The following SETBP1 variants were observed in gnomAD, a reference collection of about 807,000 sequenced individuals.
SETBP1 encodes SET binding protein 1.
Under a neutral mutation model 101.0 loss-of-function variants are expected in SETBP1, and 9 were observed. That is an observed-to-expected ratio of 0.09 (90% CI 0.05 to 0.16). SETBP1 has a LOEUF of 0.16. Ranked by LOEUF, SETBP1 falls within the 10% of genes least tolerant of loss-of-function variation. The pLI, the probability that SETBP1 is intolerant of heterozygous loss-of-function variation, is 1.00. For synonymous variants in SETBP1, 818 were observed against 788.5 expected (o/e 1.04, Z -0.63); for missense variants, 1,858 against 2,033.8 (o/e 0.91, Z 1.66).
intron 5 of SETBP1, among the ~76,000 whole-genome samples, chr18:45,054,128 T>G (rs1331186461): frequency 6.6e-6 from 1 of 152,206 alleles, no homozygotes; most frequent in Non-Finnish European, 1.5e-5. Context: ...GCCCTCGTAT[T>G]TCTCAGTTTA....
At chr18:44,700,931 T>C (rs1009968021) in intron 1 of SETBP1, among the ~76,000 whole-genome samples, 2 of 152,228 alleles carry the variant, frequency 1.3e-5, no homozygotes, top group African/African-American at 4.8e-5. Context: ...CTCTTATCTT[T>C]ATTCTTGGGC....
chr18:44,912,311 A>G (rs574546365), intron 3 of SETBP1, among the ~76,000 whole-genome samples: 5 of 152,306 alleles, frequency 3.3e-5, no homozygotes, highest in African/African-American at 9.6e-5. Context: ...TGATTCTCCT[A>G]GAACTTGTAG....
chr18:44,753,082 A>G lies in SETBP1; in HGVS notation c.486+51250A>G, dbSNP rs532647343. ...TATGGTTTTTTTATGTTACATTGCTATATTCTCTCTACTGTTCCTCTCTGA... is the reference window on the plus strand; with the variant it reads ...TATGGTTTTTTTATGTTACATTGCTGTATTCTCTCTACTGTTCCTCTCTGA... On this transcript the variant is annotated intron_variant, in intron 2 of 5. Transcript: ENST00000649279. Among the ~76,000 whole-genome samples the G allele has an allele frequency of 1.5e-4, 23 of 152,296 alleles. 1 individual carries two copies. In the South Asian group the frequency reaches 4.8e-3, roughly 32 times the overall value.
At chr18:45,020,440 C>A (rs551859312) in intron 4 of SETBP1, among the ~76,000 whole-genome samples, 1 of 152,082 alleles carries the variant, frequency 6.6e-6, no homozygotes, top group South Asian at 2.1e-4. Context: ...AAACCCATTA[C>A]ACTTTATTTG....
chr18:44,802,198 A>T (rs1376631160), intron 2 of SETBP1, among the ~76,000 whole-genome samples: 1 of 152,144 alleles, frequency 6.6e-6, no homozygotes, highest in East Asian at 1.9e-4. Flanking sequence ...TTTTTCTGAA[A>T]CAGAGACAGT....
At chr18:44,875,713 G>A (rs1355110157) in intron 3 of SETBP1, among the ~76,000 whole-genome samples, 2 of 151,988 alleles carry the variant, frequency 1.3e-5, no homozygotes, top group Non-Finnish European at 2.9e-5. Flanking sequence ...AATTTTACGT[G>A]TATTTTGTCA....
At chr18:44,985,710 C>T (rs1489065800) in intron 4 of SETBP1, among the ~76,000 whole-genome samples, 1 of 152,218 alleles carries the variant, frequency 6.6e-6, no homozygotes, top group Non-Finnish European at 1.5e-5. Context: ...CATTTAGTAT[C>T]TGCAGGATTA....
intron 3 of SETBP1, among the ~76,000 whole-genome samples, chr18:44,921,519 G>A (rs552472060): frequency 6.6e-5 from 10 of 152,180 alleles, no homozygotes; most frequent in African/African-American, 1.9e-4. Flanking sequence ...GAAGGTTAGC[G>A]CACTGGGGGA....
At chr18:45,044,457 G>C (rs184132323) in intron 5 of SETBP1, among the ~76,000 whole-genome samples, 1 of 152,160 alleles carries the variant, frequency 6.6e-6, no homozygotes, top group Non-Finnish European at 1.5e-5. Context: ...CAAGGGACTC[G>C]GCAGGGTTGG....
intron 5 of SETBP1, among the ~76,000 whole-genome samples, chr18:45,055,311 C>T (rs1417879459): frequency 1.3e-5 from 2 of 152,170 alleles, no homozygotes; most frequent in East Asian, 1.9e-4. Context: ...TAATTTTGAA[C>T]AGTCATACCA....
rs752162220 is a variant in SETBP1, at chr18:44,950,713, A to G, written c.1373A>G (p.Asn458Ser). Residue 458 changes from asparagine (N) to serine (S), a missense_variant, in exon 4 of 6, where the codon AAT becomes AGT. Asn to Ser is a conservative substitution (Grantham distance 46, BLOSUM62 1). Around this residue, in one of 12 missense-constraint regions of SETBP1, gnomAD observed 581 missense variants for 535.1 expected, o/e 1.09. Coordinates refer to ENST00000649279, the MANE Select transcript of SETBP1 (RefSeq NM_015559.3). ...VNRILSNSEG[N>S]KKDPRVPKLS... ...AGGATACTTTCCAACTCTGAGGGGA[A>G]TAAGAAGGATCCCCGTGTCCCTAAG... 1.9e-6 allele frequency: 3 copies of G among 1,614,122 alleles called. No homozygotes were observed. Among genetic ancestry groups the G allele is most frequent in the South Asian group, 2.2e-5 (2 of 91,084 alleles).
intron 2 of SETBP1, among the ~76,000 whole-genome samples, chr18:44,735,268 G>A (rs1335871239): frequency 6.6e-6 from 1 of 152,204 alleles, no homozygotes; most frequent in Non-Finnish European, 1.5e-5. Flanking sequence ...TAGGAGGCAG[G>A]AGACCTGAAT....
intron 2 of SETBP1, among the ~76,000 whole-genome samples, chr18:44,806,728 G>A (rs2071749102): frequency 7.1e-6 from 1 of 141,284 alleles, no homozygotes; most frequent in African/African-American, 2.6e-5. Flanking sequence ...GAGTGCAGTG[G>A]CTACTCACAG....
At position 45,068,500 on chromosome 18, in the gene SETBP1, A is replaced by T. The variant is rs2073997553; in HGVS notation, c.*4802A>T. Reference sequence around the variant, plus strand: ...CATTGTGTGAAATTAAAGACATTCAATTCAGTCTAACATGAGTTGTGAATT... The same window carrying T: ...CATTGTGTGAAATTAAAGACATTCATTTCAGTCTAACATGAGTTGTGAATT... On this transcript the variant is annotated 3_prime_UTR_variant, in exon 6 of 6. Coordinates refer to ENST00000649279, the MANE Select transcript of SETBP1 (RefSeq NM_015559.3). 6.6e-6 allele frequency: 1 copy of T among 152,206 alleles called. No homozygotes were observed. Among genetic ancestry groups the T allele is most frequent in the South Asian group, 2.1e-4 (1 of 4,836 alleles). The allele number at this position is 152,206 out of a possible 1,614,324, so 9.4% of individuals were successfully genotyped here. A position where few individuals can be genotyped will look rare whatever the true frequency, so the allele number is the denominator to read the frequency against.
rs569547381 is a variant in SETBP1, at chr18:44,950,490, A to G, written c.1150A>G (p.Arg384Gly). The change falls in exon 4 of 6, where the codon AGG (arginine) becomes GGG (glycine). Residue 384 changes from arginine to glycine, a missense_variant. Physicochemically the swap from Arg to Gly is moderately radical, Grantham distance 125. This residue lies in a region of SETBP1 where 581 missense variants were observed against 535.1 expected (regional missense o/e 1.09). Coordinates refer to ENST00000649279, the MANE Select transcript of SETBP1 (RefSeq NM_015559.3). ...ADSAQEASPARQNVSSASNPE... is the reference protein window; with the variant it reads ...ADSAQEASPAGQNVSSASNPE... ...TAGTGCCCAAGAGGCATCACCAGCC[A>G]GGCAGAACGTGAGTTCTGCCAGTAA... 159 of 1,614,138 alleles carry G rather than the reference A, an allele frequency of 9.9e-5. No individual in the cohort carries two copies. In the South Asian group the frequency reaches 1.7e-3, roughly 17 times the overall value.
In SETBP1 at chr18:45,063,906, G is replaced by C. The variant is rs571310365; in HGVS notation, c.*208G>C. ...AGGGAGACACCTTCAGAAGAAGCTT[G>C]TCTGAGCTTCACCGCAGCTCCCACC... On this transcript the variant is annotated 3_prime_UTR_variant, in exon 6 of 6. Coordinates refer to ENST00000649279, the MANE Select transcript of SETBP1 (RefSeq NM_015559.3). The C allele has an allele frequency of 9.1e-6, 5 of 551,272 alleles. No individual in the cohort carries two copies. Among genetic ancestry groups the C allele is most frequent in the Non-Finnish European group, 1.6e-5 (5 of 306,812 alleles). The allele number at this position is 551,272 out of a possible 1,614,324, so 34.1% of individuals were successfully genotyped here. A position where few individuals can be genotyped will look rare whatever the true frequency, so the allele number is the denominator to read the frequency against.
intron 5 of SETBP1, among the ~76,000 whole-genome samples, chr18:45,044,864 G>A (rs904285262): frequency 5.3e-5 from 8 of 152,242 alleles, no homozygotes; most frequent in African/African-American, 1.9e-4. Context: ...TGGAGAAAGC[G>A]TGTAGAGCAA....
intron 2 of SETBP1, among the ~76,000 whole-genome samples, chr18:44,733,620 C>T (rs999931196): frequency 1.1e-4 from 16 of 152,156 alleles, no homozygotes; most frequent in Non-Finnish European, 1.8e-4. Context: ...TGTGAATAAA[C>T]CACTACGTGG....
intron 2 of SETBP1, among the ~76,000 whole-genome samples, chr18:44,848,505 C>T (rs983043287): frequency 2.6e-5 from 4 of 152,130 alleles, no homozygotes; most frequent in East Asian, 3.9e-4. Flanking sequence ...ATACACATAT[C>T]GTGGGCTAGA....
Sources: allele counts gnomAD v4.1 joint callset (sites outside exome capture counted in the v4.1 genomes callset), GRCh38; gene constraint gnomAD v4.1.1; regional missense constraint gnomAD v4.1.1; transcripts MANE v1.5; gene names NCBI Gene and HGNC (gene_info 2026-07-23, HGNC 2026-07-21).